The following FUBP1 variants were observed in gnomAD, a reference collection of about 807,000 sequenced individuals.
FUBP1 encodes far upstream element-binding protein 1.
FUBP1 carries 16 observed loss-of-function variants against 94.9 expected under a neutral mutation model. The ratio of observed to expected loss-of-function variants is 0.17; its 90% confidence interval spans 0.11 to 0.26. The LOEUF (loss-of-function observed/expected upper bound fraction) is 0.26, where lower values mean the gene tolerates loss of function less well. Among genes scored for constraint, FUBP1 ranks in the 10% least tolerant of loss-of-function variants. The pLI is 1.00. For synonymous variants in FUBP1, 279 were observed against 254.9 expected (o/e 1.09, Z -0.90); for missense variants, 583 against 808.6 (o/e 0.72, Z 3.38).
Position 77,946,376 on chromosome 1 carries a change from C to A in FUBP1, c.*2390G>T, listed in dbSNP as rs1652169694. 5.2e-6 allele frequency: 1 copy of A among 193,704 alleles called. No individual in the cohort carries two copies. Among genetic ancestry groups the A allele is most frequent in the African/African-American group, 2.3e-5 (1 of 42,938 alleles). The allele number at this position is 193,704 out of a possible 1,614,324, so 12.0% of individuals were successfully genotyped here. A position where few individuals can be genotyped will look rare whatever the true frequency, so the allele number is the denominator to read the frequency against. On this transcript the variant is annotated 3_prime_UTR_variant, in exon 20 of 20. Transcript: ENST00000370768. ...TGTAAACAGTTGCTTTAACAACTTA[C>A]AGACTTTCCACTAAGATGGTAGCAT...
chr1:77,953,699 T>A (rs576313890), intron 18 of FUBP1, among the ~76,000 whole-genome samples: 7 of 151,586 alleles, frequency 4.6e-5, no homozygotes, highest in African/African-American at 9.7e-5. Flanking sequence ...TAAAAAAAAA[T>A]AAAAAATTAA....
At position 77,967,648 on chromosome 1, in the gene FUBP1, G is replaced by C; in HGVS notation, c.269C>G (p.Pro90Arg). 1 of 1,584,382 alleles carries C rather than the reference G, an allele frequency of 6.3e-7. No homozygotes were observed. The highest frequency in any genetic ancestry group is 1.2e-5 in the South Asian group (1 of 86,932). Residue 90 changes from proline (P) to arginine (R), a missense_variant, in exon 4 of 20, where the codon CCA (proline) becomes CGA (arginine). Pro to Arg is a moderately radical substitution (Grantham distance 103). Coordinates refer to ENST00000370768, the MANE Select transcript of FUBP1 (RefSeq NM_003902.5). ...PQNDSFGTQL[P>R]PMHQQQSRSV... is the part of the protein sequence containing the mutation. ...ATACCTTTGCTGCTGATGCATCGGTGGTAACTGTGTTCCAAAAGCTATCAA... is the reference window on the plus strand; with the variant it reads ...ATACCTTTGCTGCTGATGCATCGGTCGTAACTGTGTTCCAAAAGCTATCAA...
intron 16 of FUBP1, among the ~76,000 whole-genome samples, chr1:77,958,943 C>G (rs1323116737): frequency 1.3e-5 from 2 of 152,190 alleles, no homozygotes; most frequent in East Asian, 3.8e-4. Flanking sequence ...GAGCCCCTTC[C>G]ATCAGTGTTG....
chr1:77,962,039 C>T (rs1655577520), intron 14 of FUBP1, among the ~76,000 whole-genome samples: 1 of 152,156 alleles, frequency 6.6e-6, no homozygotes. Flanking sequence ...TTTTCCTAGG[C>T]AATTCTAATA....
At chr1:77,971,045 C>CA (rs1048820444) in intron 1 of FUBP1, among the ~76,000 whole-genome samples, 17 of 149,220 alleles carry the variant, frequency 1.1e-4, no homozygotes, top group Non-Finnish European at 1.0e-4. Flanking sequence ...CAAAACAAAA[C>CA]AAAAAAAATA....
At chr1:77,969,831 A>C (rs1657186539) in intron 2 of FUBP1, 94 bp downstream of exon 2, 4 of 542,156 alleles carry the variant, frequency 7.4e-6, no homozygotes, top group Non-Finnish European at 9.7e-6. Flanking sequence ...TTATAATAAA[A>C]GTTAATATCT....
At position 77,967,092 on chromosome 1, in the gene FUBP1, T is replaced by C; in HGVS notation, c.300A>G (p.Val100=). The change falls in exon 5 of 20, where the codon GTA becomes GTG. Residue 100 remains valine, a synonymous_variant. Transcript: ENST00000370768. Reference sequence around the variant, plus strand: ...CTGGAACTTTGTATTCTTCTGTCATTACAGATCTGCTAAGAAATAACAGAA... The same window carrying C: ...CTGGAACTTTGTATTCTTCTGTCATCACAGATCTGCTAAGAAATAACAGAA... ...PPMHQQQSRS[V]MTEEYKVPDG... 6.4e-7 allele frequency: 1 copy of C among 1,570,876 alleles called. No homozygotes were observed. The highest frequency in any genetic ancestry group is 8.7e-7 in the Non-Finnish European group (1 of 1,146,206).
In FUBP1 at chr1:77,960,366, C is replaced by G. The variant is rs942722911; in HGVS notation, c.1474G>C (p.Gly492Arg). The stretch of plus-strand genomic sequence containing the variant: ...TACTGAGGAGCCGGGCCTGGTGGTC[C>G]AGGATTATAAGGTGCAGGGTTGTAT... ...GPYNPAPYNP[G>R]PPGPAPHGPP... The change falls in exon 15 of 20, where the codon GGA becomes CGA. Residue 492 changes from glycine (G) to arginine (R), a missense_variant. Physicochemically the swap from Gly to Arg is moderately radical, Grantham distance 125. Coordinates refer to ENST00000370768, the MANE Select transcript of FUBP1 (RefSeq NM_003902.5). 6.2e-7 allele frequency: 1 copy of G among 1,609,858 alleles called. No homozygotes were observed.
At chr1:77,975,774 G>C (rs890400221) in intron 1 of FUBP1, among the ~76,000 whole-genome samples, 8 of 152,074 alleles carry the variant, frequency 5.3e-5, no homozygotes, top group African/African-American at 1.7e-4. Flanking sequence ...AATTTCTTAA[G>C]TGCACAGGCT....
At chr1:77,950,208 T>C (rs757025210) in intron 18 of FUBP1, among the ~76,000 whole-genome samples, 34 of 152,350 alleles carry the variant, frequency 2.2e-4, no homozygotes, top group South Asian at 1.2e-3. Flanking sequence ...CCACCCAGGC[T>C]GGAGTGCAGC....
At chr1:77,964,544 A>G (rs769577631) in intron 10 of FUBP1, 102 bp downstream of exon 10, 5 of 751,452 alleles carry the variant, frequency 6.7e-6, no homozygotes, top group Non-Finnish European at 1.1e-5. Flanking sequence ...TAAAGGTGAA[A>G]TAAAAGGATA....
chr1:77,956,201 C>A (rs989029237), intron 17 of FUBP1, among the ~76,000 whole-genome samples: 1 of 152,210 alleles, frequency 6.6e-6, no homozygotes, highest in Admixed American at 6.5e-5. Context: ...CCCAACAGGA[C>A]ATCATGTCTA....
intron 7 of FUBP1, among the ~76,000 whole-genome samples, chr1:77,965,447 C>T (rs910513870): frequency 1.3e-5 from 2 of 152,104 alleles, no homozygotes; most frequent in African/African-American, 4.8e-5. Flanking sequence ...TCTAGATATA[C>T]AATTTTTATT....
At position 77,946,078 on chromosome 1, in the gene FUBP1, A is replaced by C. The variant is rs1469966235; in HGVS notation, c.*2688T>G. On this transcript the variant is annotated 3_prime_UTR_variant, in exon 20 of 20. Transcript: ENST00000370768. ...CTTACTGAATTATTATAGTTTAAGA[A>C]TAAGAAAAAAATAAAGAAATTATAA... Among the ~76,000 whole-genome samples the C allele has an allele frequency of 6.6e-6, 1 of 152,012 alleles. No individual in the cohort carries two copies. Among genetic ancestry groups the C allele is most frequent in the Non-Finnish European group, 1.5e-5 (1 of 67,920 alleles).
chr1:77,964,490 G>A (rs1571307336), intron 10 of FUBP1, 134 bp from the exon 11 acceptor site: 1 of 661,398 alleles, frequency 1.5e-6, no homozygotes, highest in Non-Finnish European at 2.6e-6. Flanking sequence ...TATATTTATA[G>A]TAAATAGGGT....
chr1:77,967,181 A>G, intron 4 of FUBP1, 80 bp from the exon 5 acceptor site: 1 of 925,812 alleles, frequency 1.1e-6, no homozygotes, highest in Admixed American at 2.4e-5. Context: ...ATTAATAAAA[A>G]TGGAAGTCTA....
In FUBP1 at chr1:77,948,728, CCACA is replaced by C; in HGVS notation, c.*34_*37del. ...TATATTTAACAAAGGTTTTTTTCCC[CCACA>C]CAATGAAGCAAATACTGTATTGTCC... On this transcript the variant is annotated 3_prime_UTR_variant, in exon 20 of 20. Coordinates refer to ENST00000370768, the MANE Select transcript of FUBP1 (RefSeq NM_003902.5). 1 of 1,594,060 alleles carries C rather than the reference CCACA, an allele frequency of 6.3e-7. No individual in the cohort carries two copies. Among genetic ancestry groups the C allele is most frequent in the Non-Finnish European group, 8.5e-7 (1 of 1,173,220 alleles).
chr1:77,967,707 T>A, intron 3 of FUBP1, 41 bp from the exon 4 acceptor site: 1 of 1,221,422 alleles, frequency 8.2e-7, no homozygotes, highest in East Asian at 2.6e-5. Context: ...AAATTCAAAA[T>A]TTAAATTTAC....
At chr1:77,974,029 T>A (rs768720749) in intron 1 of FUBP1, among the ~76,000 whole-genome samples, 2 of 152,008 alleles carry the variant, frequency 1.3e-5, no homozygotes, top group Non-Finnish European at 2.9e-5. Context: ...CCCAACATTG[T>A]CAACATTCTA....
Sources: gnomAD v4.1 joint callset for allele counts (sites outside exome capture counted in the v4.1 genomes callset) on GRCh38, gnomAD v4.1.1 for gene constraint, MANE v1.5 for transcripts, NCBI Gene and HGNC (gene_info 2026-07-23, HGNC 2026-07-21) for gene names.